PSMB4: variants seen among roughly 807,000 people sequenced by gnomAD.
The protein encoded by PSMB4 is proteasome subunit beta type-4.
PSMB4 carries 16 observed loss-of-function variants against 35.2 expected under a neutral mutation model. That is an observed-to-expected ratio of 0.45 (90% confidence interval 0.31 to 0.69). PSMB4 has a LOEUF of 0.69. Among genes scored for constraint, PSMB4 ranks in the 30% least tolerant of loss-of-function variants. PSMB4 has a pLI of 0.06. For missense variants in PSMB4, 333 were observed against 351.8 expected (o/e 0.95, Z 0.43); for synonymous variants, 144 against 134.1 (o/e 1.07, Z -0.51).
intron 6 of PSMB4, 61 bp from the exon 7 acceptor site, chr1:151,401,756 T>A (rs1652851602): frequency 1.3e-6 from 2 of 1,574,646 alleles, no homozygotes; most frequent in African/African-American, 1.4e-5. Context: ...ACAGTACAGC[T>A]ATTTTTAGGA....
At position 151,401,628 on chromosome 1, in the gene PSMB4, C is replaced by G. The variant is rs1652842872; in HGVS notation, c.780C>G (p.Ile260Met). 1 of 1,602,072 alleles carries G rather than the reference C, an allele frequency of 6.2e-7. No individual in the cohort carries two copies. The highest frequency in any genetic ancestry group is 1.7e-4 in the Middle Eastern group (1 of 6,036). The change falls in exon 6 of 7, where the codon ATC (isoleucine) becomes ATG (methionine). Residue 260 changes from isoleucine to methionine, a missense_variant and splice_region_variant. Transcript: ENST00000290541. ...TETNWDIAHM[I>M]SGFE ...CCAACTGGGATATTGCCCACATGAT[C>G]AGGTGAGTAATAGGGAAAAAATTGG... is the stretch of plus-strand genomic sequence containing the variant.
Position 151,401,509 on chromosome 1 carries a change from G to T in PSMB4, c.694-33G>T, listed in dbSNP as rs765594627. On this transcript the variant is annotated intron_variant, in intron 5 of 6. Transcript: ENST00000290541. ...GACCTTTCATTTAAGGACTTAAGGC[G>T]TGGGCATTATTGAATGCTCTGCTTT... 16 of 1,569,162 alleles carry T rather than the reference G, an allele frequency of 1.0e-5. No individual in the cohort carries two copies. In the African/African-American group the frequency reaches 1.6e-4, roughly 16 times the overall value.
At chr1:151,401,167 A>G (rs943967185) in intron 4 of PSMB4, 72 bp from the exon 5 acceptor site, 64 of 1,213,780 alleles carry the variant, frequency 5.3e-5, no homozygotes, top group Non-Finnish European at 6.8e-5. Context: ...TGCTTTTTAT[A>G]CCATAGATTT....
rs1415169682 is a variant in PSMB4 at position 151,400,141 on chromosome 1, G to A, written c.301G>A (p.Asp101Asn). The A allele has an allele frequency of 3.7e-6, 6 of 1,614,112 alleles. No individual in the cohort carries two copies. Among genetic ancestry groups the A allele is most frequent in the South Asian group, 1.1e-5 (1 of 91,070 alleles). Residue 101 changes from aspartate to asparagine, a missense_variant, in exon 2 of 7, where the codon GAC (aspartate) becomes AAC (asparagine). Coordinates refer to ENST00000290541, the MANE Select transcript of PSMB4 (RefSeq NM_002796.3). ...CAGTACCATGCTGGGTGCCTCTGGC[G>A]ACTACGCTGATTTCCAGTATTTGAA... ...NNSTMLGASG[D>N]YADFQYLKQV...
chr1:151,399,775 C>T, intron 1 of PSMB4, 48 bp downstream of exon 1: 1 of 1,611,686 alleles, frequency 6.2e-7, no homozygotes, highest in Non-Finnish European at 8.5e-7. Flanking sequence ...ACCGTGGGGC[C>T]TGGTGCTGCC....
chr1:151,399,675 T>A lies in PSMB4; in HGVS notation c.88T>A (p.Ser30Thr), dbSNP rs1652749793. Reference protein sequence around the residue: ...QFYRIPSTPDSFMDPASALYR... With the variant: ...QFYRIPSTPDTFMDPASALYR... ...TTACCGCATTCCGTCCACTCCCGAT[T>A]CCTTCATGGATCCGGCGTCTGCACT... The change falls in exon 1 of 7, where the codon TCC becomes ACC. Residue 30 changes from serine (S) to threonine (T), a missense_variant. Coordinates refer to ENST00000290541, the MANE Select transcript of PSMB4 (RefSeq NM_002796.3). 1 of 1,614,134 alleles carries A rather than the reference T, an allele frequency of 6.2e-7. No homozygotes were observed. Among genetic ancestry groups the A allele is most frequent in the East Asian group, 2.2e-5 (1 of 44,866 alleles).
In PSMB4 at chr1:151,400,294, A is replaced by G. The variant is rs2495390; in HGVS notation, c.347+107A>G. 1 allele frequency: 1,443,817 copies of G among 1,449,870 alleles called. 719,115 individuals are homozygous for G. The highest frequency in any genetic ancestry group is 1 in the East Asian group (43,838 of 43,838). 89.8% of individuals were successfully genotyped at this position (1,449,870 alleles called of 1,614,324 possible). On this transcript the variant is annotated intron_variant, in intron 2 of 6. Coordinates refer to ENST00000290541, the MANE Select transcript of PSMB4 (RefSeq NM_002796.3). ...GGGACTTGTTGCAGCGGGGGACTGG[A>G]AGAGTTGTTGGAGGTGGGCGATCTG...
chr1:151,401,695 T>C (rs899401041), intron 6 of PSMB4, 65 bp downstream of exon 6: 4 of 1,546,282 alleles, frequency 2.6e-6, no homozygotes, highest in Non-Finnish European at 2.7e-6. Context: ...AAGCTGGGCT[T>C]TTCTGGGAGG....
In PSMB4 at chr1:151,399,711, C is replaced by T. The variant is rs1160503000; in HGVS notation, c.124C>T (p.Pro42Ser). 1 of 1,614,112 alleles carries T rather than the reference C, an allele frequency of 6.2e-7. No individual in the cohort carries two copies. Among genetic ancestry groups the T allele is most frequent in the East Asian group, 2.2e-5 (1 of 44,876 alleles). The change falls in exon 1 of 7, where the codon CCA becomes TCA. Residue 42 changes from proline (P) to serine (S), a missense_variant. Transcript: ENST00000290541. ...MDPASALYRG[P>S]ITRTQNPMVT... ...TCCGGCGTCTGCACTTTACAGAGGT[C>T]CAATCACGCGGACCCAGTAAGTTCT...
intron 5 of PSMB4, 54 bp from the exon 6 acceptor site, chr1:151,401,488 T>C: frequency 6.5e-7 from 1 of 1,544,386 alleles, no homozygotes; most frequent in Non-Finnish European, 9.0e-7. Flanking sequence ...CCACCTGACC[T>C]TTCATTTAAG....
chr1:151,401,127 CAAG>C (rs1652809368), intron 4 of PSMB4, 109 bp from the exon 5 acceptor site: 5 of 971,836 alleles, frequency 5.1e-6, no homozygotes, highest in African/African-American at 1.6e-5. Context: ...TCTGGTGAGG[CAAG>C]AAGTAGAATG....
In PSMB4 at chr1:151,399,596, G is replaced by GT; in HGVS notation, c.14dup (p.Leu5PhefsTer56). 1 of 1,611,324 alleles carries GT rather than the reference G, an allele frequency of 6.2e-7. No homozygotes were observed. The highest frequency in any genetic ancestry group is 8.5e-7 in the Non-Finnish European group (1 of 1,178,924). Reference sequence around the variant, plus strand: ...CTGCTACCGTGACTAAGATGGAAGCGTTTTTGGGGTCGCGGTCCGGACTTT... The same window carrying GT: ...CTGCTACCGTGACTAAGATGGAAGCGTTTTTTGGGGTCGCGGTCCGGACTTT... On this transcript the variant is annotated frameshift_variant, in exon 1 of 7. Transcript: ENST00000290541. LOFTEE classifies it high-confidence loss of function.
intron 6 of PSMB4, 81 bp from the exon 7 acceptor site, chr1:151,401,736 T>C (rs1652850762): frequency 2.6e-6 from 4 of 1,558,438 alleles, no homozygotes; most frequent in African/African-American, 1.4e-5. Flanking sequence ...GGGTGGAAAG[T>C]TTTGGTTGGA....
chr1:151,401,287 G>A lies in PSMB4; in HGVS notation c.625G>A (p.Glu209Lys), dbSNP rs202077271. 4.1e-5 allele frequency: 66 copies of A among 1,614,024 alleles called. No individual in the cohort carries two copies. Among genetic ancestry groups the A allele is most frequent in the Non-Finnish European group, 5.3e-5 (62 of 1,180,046 alleles). Residue 209 changes from glutamate (E) to lysine (K), a missense_variant, in exon 5 of 7, where the codon GAG becomes AAG. By Grantham distance (56) the Glu-to-Lys change is moderately conservative (BLOSUM62 1). Transcript: ENST00000290541. ...GAAGCAGCCAGTGCTAAGCCAGACC[G>A]AGGCCCGCGACTTAGTAGAACGCTG... ...LEKQPVLSQT[E>K]ARDLVERCMR...
intron 3 of PSMB4, 78 bp from the exon 4 acceptor site, chr1:151,400,686 A>T (rs1207883618): frequency 1.1e-5 from 17 of 1,610,384 alleles, no homozygotes; most frequent in Non-Finnish European, 1.4e-5. Flanking sequence ...TCCCACTTTA[A>T]CTCAGACCCC....
At position 151,401,921 on chromosome 1, in the gene PSMB4, T is replaced by TA; in HGVS notation, c.*95dup. 1 of 1,338,964 alleles carries TA rather than the reference T, an allele frequency of 7.5e-7. No individual in the cohort carries two copies. The allele number at this position is 1,338,964 out of a possible 1,614,324, so 82.9% of individuals were successfully genotyped here. A position where few individuals can be genotyped will look rare whatever the true frequency, so the allele number is the denominator to read the frequency against. On this transcript the variant is annotated 3_prime_UTR_variant, in exon 7 of 7. Transcript: ENST00000290541. ...ATAGACTCTTCTTTTGTAAAGTAAA[T>TA]AAATTCTTCAAAATGCTTGCTGAGT...
chr1:151,400,959 T>C (rs906770098), intron 4 of PSMB4, 114 bp downstream of exon 4: 2 of 1,101,204 alleles, frequency 1.8e-6, no homozygotes, highest in South Asian at 1.3e-5. Flanking sequence ...TCGCTATTAC[T>C]GGGCAGATGG....
rs769075367 is a variant in PSMB4, at chr1:151,400,490, T to A, written c.396T>A (p.Ala132=). The part of the protein sequence containing the change: ...LGDGHSYSPR[A]IHSWLTRAMY... ...ATGGACACAGCTATAGTCCTAGAGCTATTCATTCATGGCTGACCAGGGCCA... is the reference window on the plus strand; with the variant it reads ...ATGGACACAGCTATAGTCCTAGAGCAATTCATTCATGGCTGACCAGGGCCA... The change falls in exon 3 of 7, where the codon GCT becomes GCA. Residue 132 remains alanine (A), a synonymous_variant. Coordinates refer to ENST00000290541, the MANE Select transcript of PSMB4 (RefSeq NM_002796.3). 15 of 1,614,022 alleles carry A rather than the reference T, an allele frequency of 9.3e-6. No homozygotes were observed. In the South Asian group the frequency reaches 1.6e-4, roughly 18 times the overall value.
chr1:151,399,890 G>C (rs960448364), intron 1 of PSMB4, 91 bp from the exon 2 acceptor site: 1 of 1,539,722 alleles, frequency 6.5e-7, no homozygotes, highest in Admixed American at 1.7e-5. Flanking sequence ...ATAATTGGAA[G>C]GAATTATAGA....
Sources: gnomAD v4.1 joint callset for allele counts on GRCh38, gnomAD v4.1.1 for gene constraint, MANE v1.5 for transcripts, NCBI Gene and HGNC (gene_info 2026-07-23, HGNC 2026-07-21) for gene names.